NCAPD2: variants seen among roughly 807,000 people sequenced by gnomAD.
NCAPD2 encodes non-SMC condensin I complex subunit D2.
In NCAPD2, 100 loss-of-function variants were observed where a neutral mutation model predicts 164.5. That is an observed-to-expected ratio of 0.61 (90% CI 0.52 to 0.72). The LOEUF (loss-of-function observed/expected upper bound fraction) is 0.72. Among genes scored for constraint, NCAPD2 ranks in the 30% least tolerant of loss-of-function variants. NCAPD2 has a pLI of 0.00. For missense variants in NCAPD2, 1,560 were observed against 1,749.2 expected (o/e 0.89, Z 1.93); for synonymous variants, 585 against 642.6 (o/e 0.91, Z 1.36).
chr12:6,527,673 G>A, intron 22 of NCAPD2, 104 bp from the exon 23 acceptor site: 1 of 954,830 alleles, frequency 1.0e-6, no homozygotes, highest in South Asian at 1.6e-5. Context: ...AAATGTTTTT[G>A]TAGAATTTGC....
intron 9 of NCAPD2, among the ~76,000 whole-genome samples, chr12:6,516,226 G>A (rs1050810973): frequency 2.0e-5 from 3 of 149,086 alleles, no homozygotes; most frequent in Non-Finnish European, 4.5e-5. Flanking sequence ...CCACACAGAC[G>A]GGCGCGGTGG....
chr12:6,494,533 C>T (rs962634978), intron 1 of NCAPD2, among the ~76,000 whole-genome samples: 1 of 152,208 alleles, frequency 6.6e-6, no homozygotes, highest in African/African-American at 2.4e-5. Flanking sequence ...ATAAATAAAT[C>T]ATCATTGTTA....
rs760736035 is a variant in NCAPD2 at position 6,530,987 on chromosome 12, G to A, written c.4031G>A (p.Arg1344His). 1.7e-5 allele frequency: 27 copies of A among 1,614,034 alleles called. No homozygotes were observed. Among genetic ancestry groups the A allele is most frequent in the East Asian group, 1.1e-4 (5 of 44,902 alleles). ...DNDFVTPEPRRTTRRHPNTQQ... is the reference protein window; with the variant it reads ...DNDFVTPEPRHTTRRHPNTQQ... Reference sequence around the variant, plus strand: ...GACTTTGTCACACCAGAGCCCCGCCGTACTACCCGTCGGCATCCAAACACC... The same window carrying A: ...GACTTTGTCACACCAGAGCCCCGCCATACTACCCGTCGGCATCCAAACACC... Residue 1344 changes from arginine (R) to histidine (H), a missense_variant, in exon 31 of 32, where the codon CGT (arginine) becomes CAT (histidine). Coordinates refer to ENST00000315579, the MANE Select transcript of NCAPD2 (RefSeq NM_014865.4).
intron 2 of NCAPD2, among the ~76,000 whole-genome samples, chr12:6,497,902 C>T (rs1945998620): frequency 1.3e-5 from 2 of 150,806 alleles, no homozygotes; most frequent in Non-Finnish European, 2.9e-5. Flanking sequence ...CAGGCGTGAG[C>T]CACCGCGCCC....
chr12:6,527,666 T>C (rs1946329143), intron 22 of NCAPD2, 111 bp from the exon 23 acceptor site: 1 of 901,248 alleles, frequency 1.1e-6, no homozygotes, highest in Non-Finnish European at 1.7e-6. Context: ...ATTCTCTAAA[T>C]GTTTTTGTAG....
intron 9 of NCAPD2, 109 bp from the exon 10 acceptor site, chr12:6,516,719 G>A (rs1946204545): frequency 9.4e-7 from 1 of 1,061,922 alleles, no homozygotes; most frequent in Non-Finnish European, 1.4e-6. Flanking sequence ...GCTTTCTCCT[G>A]TGACCTTGGG....
chr12:6,509,932 A>C, intron 3 of NCAPD2, 140 bp downstream of exon 3: 1 of 1,253,220 alleles, frequency 8.0e-7, no homozygotes, highest in Non-Finnish European at 1.1e-6. Flanking sequence ...ATGAGCATGT[A>C]CCCAGCTTGC....
At chr12:6,501,271 C>T (rs1049371099) in intron 2 of NCAPD2, among the ~76,000 whole-genome samples, 1 of 126,916 alleles carries the variant, frequency 7.9e-6, no homozygotes, top group Non-Finnish European at 1.6e-5. Flanking sequence ...GGCAGAGTCT[C>T]GCTCTCTCGC....
In NCAPD2 at chr12:6,527,806, G is replaced by A. The variant is rs748848276; in HGVS notation, c.2937G>A (p.Glu979=). The A allele has an allele frequency of 6.2e-7, 1 of 1,613,560 alleles. No individual in the cohort carries two copies. The highest frequency in any genetic ancestry group is 8.5e-7 in the Non-Finnish European group (1 of 1,179,506). ...KNTSSETTME[E]ELGLVGATAD... ...CGAGCTCTGAGACCACCATGGAGGA[G>A]GAGCTGGGGCTGGTTGGGGCAACAG... The change falls in exon 23 of 32, where the codon GAG becomes GAA. Residue 979 remains glutamate (E), a synonymous_variant. Transcript: ENST00000315579.
At chr12:6,526,784 A>G (rs929911991) in intron 21 of NCAPD2, 107 bp from the exon 22 acceptor site, 6 of 1,439,844 alleles carry the variant, frequency 4.2e-6, no homozygotes, top group Non-Finnish European at 4.7e-6. Flanking sequence ...CTACTTCACT[A>G]GTTTGAATAG....
At chr12:6,525,004 G>A (rs1455014058) in intron 17 of NCAPD2, among the ~76,000 whole-genome samples, 2 of 152,218 alleles carry the variant, frequency 1.3e-5, no homozygotes, top group East Asian at 3.9e-4. Flanking sequence ...AAGGGACGTG[G>A]GGAAGCAGAG....
Position 6,528,452 on chromosome 12 carries a change from C to A in NCAPD2, c.3299+124C>A. On this transcript the variant is annotated intron_variant, in intron 25 of 31. Transcript: ENST00000315579. This position sits in a 1 kb window ranked among gnomAD's most constrained non-coding sequence, Gnocchi z 5.1. Reference sequence around the variant, plus strand: ...CATCACCGCGAACATCTGCTTGATACTTGACCTGTACAGGCCCCTGGCTAA... The same window carrying A: ...CATCACCGCGAACATCTGCTTGATAATTGACCTGTACAGGCCCCTGGCTAA... 7.2e-7 allele frequency: 1 copy of A among 1,380,900 alleles called. No homozygotes were observed. The highest frequency in any genetic ancestry group is 1.0e-6 in the Non-Finnish European group (1 of 991,258). The allele number at this position is 1,380,900 out of a possible 1,614,324, so 85.5% of individuals were successfully genotyped here.
intron 2 of NCAPD2, among the ~76,000 whole-genome samples, chr12:6,498,284 A>C (rs1426471392): frequency 6.6e-6 from 1 of 152,176 alleles, no homozygotes; most frequent in Non-Finnish European, 1.5e-5. Context: ...TTCTCCTATA[A>C]ATAAGATCAA....
intron 15 of NCAPD2, 74 bp from the exon 16 acceptor site, chr12:6,522,754 C>A: frequency 6.5e-7 from 1 of 1,528,986 alleles, no homozygotes; most frequent in Non-Finnish European, 8.9e-7. Flanking sequence ...TTGCTACATT[C>A]AGAAAGGTTC....
intron 29 of NCAPD2, 36 bp from the exon 30 acceptor site, chr12:6,530,655 T>A: frequency 6.2e-7 from 1 of 1,612,160 alleles, no homozygotes; most frequent in Non-Finnish European, 8.5e-7. Flanking sequence ...AGTAACTGTT[T>A]TCAGGCCTGC....
chr12:6,507,980 C>T (rs1291009226), intron 2 of NCAPD2, among the ~76,000 whole-genome samples: 3 of 152,004 alleles, frequency 2.0e-5, no homozygotes, highest in East Asian at 1.9e-4. Context: ...CCCAGGAGTT[C>T]GAGACCAGCC....
At chr12:6,494,984 A>G (rs2137032726) in intron 1 of NCAPD2, 92 bp from the exon 2 acceptor site, 2 of 1,308,250 alleles carry the variant, frequency 1.5e-6, no homozygotes, top group East Asian at 2.3e-5. Flanking sequence ...ACTAAAAGCC[A>G]TTATATATGT....
Position 6,531,559 on chromosome 12 carries a change from A to T in NCAPD2, c.*147A>T. 1 of 1,482,600 alleles carries T rather than the reference A, an allele frequency of 6.7e-7. No individual in the cohort carries two copies. Among genetic ancestry groups the T allele is most frequent in the South Asian group, 1.2e-5 (1 of 81,672 alleles). 91.8% of individuals were successfully genotyped at this position (1,482,600 alleles called of 1,614,324 possible). ...TGTGGCTCACGCCTGTAATCCCAGC[A>T]CTTTGCGATACCAAGGCGGGTGGAT... On this transcript the variant is annotated 3_prime_UTR_variant, in exon 32 of 32. Transcript: ENST00000315579. This position sits in a 1 kb window ranked among gnomAD's most constrained non-coding sequence, Gnocchi z 4.1.
intron 2 of NCAPD2, among the ~76,000 whole-genome samples, chr12:6,501,275 C>G (rs908102309): frequency 1.5e-5 from 2 of 132,554 alleles, no homozygotes; most frequent in East Asian, 2.5e-4. Context: ...GAGTCTCGCT[C>G]TCTCGCCCAG....
Sources: gnomAD v4.1 joint callset for allele counts (sites outside exome capture counted in the v4.1 genomes callset) on GRCh38, gnomAD v4.1.1 for gene constraint, Gnocchi (gnomAD v3.1) non-coding constraint, MANE v1.5 for transcripts, NCBI Gene and HGNC (gene_info 2026-07-23, HGNC 2026-07-21) for gene names.